Variants in SAMTOR observed in about 807,000 individuals in gnomAD.
SAMTOR encodes S-adenosylmethionine sensor upstream of mTORC1, also known as UPF0532 protein C7orf60.
chr7:112,880,819 T>A, the SAMTOR span, among the ~76,000 whole-genome samples: 1 of 152,146 alleles, frequency 6.6e-6, no homozygotes, highest in Admixed American at 6.5e-5. Flanking sequence ...ATACTTACAA[T>A]TTTGTATGTG....
the SAMTOR span, among the ~76,000 whole-genome samples, chr7:112,893,714 C>T: frequency 1.1e-4 from 17 of 152,168 alleles, no homozygotes; most frequent in Non-Finnish European, 1.9e-4. Flanking sequence ...CCGTCCTGGC[C>T]AACATGGTGA....
chr7:112,917,661 G>C, the SAMTOR span, among the ~76,000 whole-genome samples: 4 of 152,146 alleles, frequency 2.6e-5, no homozygotes, highest in Non-Finnish European at 5.9e-5. Flanking sequence ...AGCTAAAGGA[G>C]AAAATTCAAA....
the SAMTOR span, among the ~76,000 whole-genome samples, chr7:112,868,099 A>T: frequency 6.6e-6 from 1 of 152,200 alleles, no homozygotes; most frequent in Non-Finnish European, 1.5e-5. Context: ...GTCCATGGAA[A>T]AATTGTCTTC....
the SAMTOR span, among the ~76,000 whole-genome samples, chr7:112,885,155 G>C: frequency 1.1e-5 from 1 of 90,206 alleles, no homozygotes; most frequent in East Asian, 2.0e-4. Flanking sequence ...ATGTCTCAAG[G>C]CTGCACAGGG....
the SAMTOR span, among the ~76,000 whole-genome samples, chr7:112,866,771 C>T: frequency 6.6e-6 from 1 of 152,242 alleles, no homozygotes; most frequent in Non-Finnish European, 1.5e-5. Context: ...CAAACATAGA[C>T]TCTGCCCAGG....
the SAMTOR span, among the ~76,000 whole-genome samples, chr7:112,893,965 C>T: frequency 1.3e-5 from 2 of 152,214 alleles, no homozygotes; most frequent in South Asian, 2.1e-4. Flanking sequence ...TCAGTTAATT[C>T]TTTGGTAGAA....
the SAMTOR span, chr7:112,939,380 T>C: frequency 2.9e-6 from 2 of 684,762 alleles, no homozygotes; most frequent in Non-Finnish European, 4.8e-6. Context: ...CCTAGAACTC[T>C]CCCGAAGGGC....
chr7:112,840,435 T>C, the SAMTOR span, among the ~76,000 whole-genome samples: 1 of 151,906 alleles, frequency 6.6e-6, no homozygotes, highest in Admixed American at 6.6e-5. Flanking sequence ...GCCTGAAAGA[T>C]AGCTTTAGAA....
chr7:112,925,758 C>T, the SAMTOR span, among the ~76,000 whole-genome samples: 2 of 148,470 alleles, frequency 1.3e-5, no homozygotes, highest in Non-Finnish European at 3.0e-5. Context: ...CATGCCATTG[C>T]ACTCCAACCT....
At chr7:112,832,932 A>G in the SAMTOR span, among the ~76,000 whole-genome samples, 2 of 152,198 alleles carry the variant, frequency 1.3e-5, no homozygotes, top group East Asian at 3.9e-4. Flanking sequence ...TGTTTTATAT[A>G]TATTTACTTA....
chr7:112,911,637 A>C, the SAMTOR span, among the ~76,000 whole-genome samples: 1 of 152,132 alleles, frequency 6.6e-6, no homozygotes, highest in Non-Finnish European at 1.5e-5. Context: ...AAAACTTTAA[A>C]ATAACTATTT....
the SAMTOR span, among the ~76,000 whole-genome samples, chr7:112,912,314 T>C: frequency 6.6e-6 from 1 of 152,064 alleles, no homozygotes; most frequent in Non-Finnish European, 1.5e-5. Context: ...AATTCCTTTA[T>C]TGAAGGTATA....
chr7:112,849,041 T>G, the SAMTOR span, among the ~76,000 whole-genome samples: 1 of 133,746 alleles, frequency 7.5e-6, no homozygotes, highest in Non-Finnish European at 1.5e-5. Context: ...AGAGCAAGAC[T>G]CCATCTAAAA....
chr7:112,939,402 AGGG>A, the SAMTOR span: 1 of 805,118 alleles, frequency 1.2e-6, no homozygotes, highest in Non-Finnish European at 1.9e-6. Context: ...CTCAAAGAAA[AGGG>A]GGCGGGGAGG....
At chr7:112,894,021 A>C in the SAMTOR span, among the ~76,000 whole-genome samples, 8 of 152,298 alleles carry the variant, frequency 5.3e-5, no homozygotes, top group Admixed American at 1.3e-4. Flanking sequence ...TGCCTACCTA[A>C]CTAAGTTTAA....
chr7:112,856,244 C>CT, the SAMTOR span, among the ~76,000 whole-genome samples: 3 of 149,214 alleles, frequency 2.0e-5, no homozygotes, highest in South Asian at 2.1e-4. Flanking sequence ...TTTTTATTTA[C>CT]TTTTTTTTTC....
the SAMTOR span, among the ~76,000 whole-genome samples, chr7:112,849,119 A>G: frequency 1.3e-5 from 2 of 151,958 alleles, no homozygotes; most frequent in Non-Finnish European, 2.9e-5. Context: ...TTGCTTTAAA[A>G]CTCACTTTGA....
chr7:112,928,887 T>C, the SAMTOR span, among the ~76,000 whole-genome samples: 17 of 152,018 alleles, frequency 1.1e-4, no homozygotes, highest in South Asian at 3.3e-3. Context: ...AGTTCTTTAA[T>C]AGCAGTACAC....
the SAMTOR span, among the ~76,000 whole-genome samples, chr7:112,869,369 G>C: frequency 4.0e-5 from 6 of 151,766 alleles, no homozygotes; most frequent in African/African-American, 1.5e-4. Flanking sequence ...TTACTCATAA[G>C]CGCCATCTAC....
Sources: allele counts gnomAD v4.1 joint callset (sites outside exome capture counted in the v4.1 genomes callset), GRCh38; gene constraint gnomAD v4.1.1; transcripts MANE v1.5; gene names NCBI Gene and HGNC (gene_info 2026-07-23, HGNC 2026-07-21).